Variants in HERC5 observed in about 807,000 individuals in gnomAD.
The protein encoded by HERC5 is E3 ISG15--protein ligase HERC5.
HERC5 carries 99 observed loss-of-function variants against 119.6 expected under a neutral mutation model. That is an observed-to-expected ratio of 0.83 (90% CI 0.70 to 0.98). HERC5 has a LOEUF of 0.98. HERC5 is among the 50% of genes least tolerant of loss of function. The pLI is 0.00. For missense variants in HERC5, 1,267 were observed against 1,241.3 expected (o/e 1.02, Z -0.31); for synonymous variants, 478 against 445.9 (o/e 1.07, Z -0.91).
In HERC5 at chr4:88,464,005, T is replaced by C. The variant is rs780262079; in HGVS notation, c.911+20T>C. 2.5e-6 allele frequency: 4 copies of C among 1,601,622 alleles called. No individual in the cohort carries two copies. In the Admixed American group the frequency reaches 6.9e-5, roughly 28 times the overall value. On this transcript the variant is annotated intron_variant, in intron 6 of 22. Transcript: ENST00000264350. ...TGGAAGGTAAGTTGTAAAGTATCAA[T>C]AAGAATTGATAAAATGAGTGCAGCA...
chr4:88,470,815 T>C, intron 10 of HERC5, 142 bp downstream of exon 10: 1 of 435,094 alleles, frequency 2.3e-6, no homozygotes. Context: ...ATATGTTTGC[T>C]GTAGAAAATG....
intron 16 of HERC5, among the ~76,000 whole-genome samples, chr4:88,492,381 A>G (rs895699899): frequency 2.0e-4 from 31 of 152,126 alleles, no homozygotes; most frequent in African/African-American, 7.0e-4. Context: ...GTTGAGGTCA[A>G]TTTAGGTAAA....
At chr4:88,489,099 C>G (rs1190239319) in intron 15 of HERC5, 67 bp from the exon 16 acceptor site, 1 of 1,398,336 alleles carries the variant, frequency 7.2e-7, no homozygotes, top group East Asian at 2.3e-5. Flanking sequence ...ATTCTGCTTT[C>G]CAAATTTTTA....
intron 18 of HERC5, among the ~76,000 whole-genome samples, chr4:88,498,974 A>G (rs970593456): frequency 1.3e-5 from 2 of 152,258 alleles, no homozygotes; most frequent in Non-Finnish European, 2.9e-5. Context: ...CCCACAATGA[A>G]TAAAACATGG....
In HERC5 at chr4:88,457,201, G is replaced by C; in HGVS notation, c.-69G>C. ...CTGCAGCGCAACGCCTGAGGCAGTGGGCGCGCTCAGTCCCGGGACCAGGCG... is the reference window on the plus strand; with the variant it reads ...CTGCAGCGCAACGCCTGAGGCAGTGCGCGCGCTCAGTCCCGGGACCAGGCG... On this transcript the variant is annotated 5_prime_UTR_variant, in exon 1 of 23. Transcript: ENST00000264350. 1 of 1,244,584 alleles carries C rather than the reference G, an allele frequency of 8.0e-7. No homozygotes were observed. The highest frequency in any genetic ancestry group is 1.0e-6 in the Non-Finnish European group (1 of 993,096). 77.1% of individuals were successfully genotyped at this position (1,244,584 alleles called of 1,614,324 possible). A position where few individuals can be genotyped will look rare whatever the true frequency, so the allele number is the denominator to read the frequency against.
chr4:88,492,486 G>A (rs1241685452), intron 16 of HERC5, among the ~76,000 whole-genome samples: 1 of 151,654 alleles, frequency 6.6e-6, no homozygotes. Context: ...GCTCATGGCT[G>A]TAATCTCAGC....
At chr4:88,492,076 T>A (rs903312911) in intron 16 of HERC5, among the ~76,000 whole-genome samples, 4 of 152,108 alleles carry the variant, frequency 2.6e-5, no homozygotes, top group African/African-American at 9.7e-5. Context: ...CGACCTTGGC[T>A]CATGGCAACC....
intron 6 of HERC5, among the ~76,000 whole-genome samples, chr4:88,464,787 T>A (rs1740594088): frequency 1.3e-5 from 2 of 152,110 alleles, no homozygotes; most frequent in Non-Finnish European, 2.9e-5. Context: ...TTATTTTTTT[T>A]TGAGACGGAG....
intron 20 of HERC5, among the ~76,000 whole-genome samples, chr4:88,501,863 A>G (rs908078985): frequency 2.6e-5 from 4 of 152,070 alleles, no homozygotes; most frequent in Non-Finnish European, 4.4e-5. Flanking sequence ...CAGTGGCGCA[A>G]TCTTGGCTCA....
rs550524232 is a variant in HERC5, at chr4:88,464,913, GGCGCCCGCCACCAC to G, written c.911+931_911+944del. The stretch of plus-strand genomic sequence containing the variant: ...AGCCTCCGGAGTAGCTGGGACTACA[GGCGCCCGCCACCAC>G]GCCTGGCTAATTTTTTGTATTTTTA... On this transcript the variant is annotated intron_variant, in intron 6 of 22. Transcript: ENST00000264350. Among the ~76,000 whole-genome samples the G allele has an allele frequency of 2.4e-4, 37 of 152,286 alleles. No individual in the cohort carries two copies. The East Asian group carries it at 3.7e-3, about 15-fold the overall frequency.
intron 1 of HERC5, among the ~76,000 whole-genome samples, chr4:88,458,373 A>T (rs977397095): frequency 2.7e-5 from 4 of 148,194 alleles, no homozygotes; most frequent in African/African-American, 7.4e-5. Context: ...TAAAAAATGT[A>T]CTCATTTTTG....
rs552048080 is a variant in HERC5, at chr4:88,506,069, A to C, written c.*191A>C. 15 of 585,438 alleles carry C rather than the reference A, an allele frequency of 2.6e-5. No individual in the cohort carries two copies. The highest frequency in any genetic ancestry group is 3.9e-5 in the Non-Finnish European group (13 of 331,036). 36.3% of individuals were successfully genotyped at this position (585,438 alleles called of 1,614,324 possible). The stretch of plus-strand genomic sequence containing the variant: ...GTTTACTGGCCGGTTAGAACCCGTG[A>C]CTGTATTCTCTCCCTTGGATACCCC... On this transcript the variant is annotated 3_prime_UTR_variant, in exon 23 of 23. Coordinates refer to ENST00000264350, the MANE Select transcript of HERC5 (RefSeq NM_016323.4).
At chr4:88,492,209 G>A (rs1312738919) in intron 16 of HERC5, among the ~76,000 whole-genome samples, 1 of 151,438 alleles carries the variant, frequency 6.6e-6, no homozygotes, top group East Asian at 2.0e-4. Context: ...TCACCATGTT[G>A]GCCAGACTGG....
Position 88,472,405 on chromosome 4 carries a change from A to G in HERC5, c.1299-4A>G, listed in dbSNP as rs200742258. 8.0e-5 allele frequency: 120 copies of G among 1,503,282 alleles called. No individual in the cohort carries two copies. The highest frequency in any genetic ancestry group is 1.7e-4 in the Middle Eastern group (1 of 5,844). 93.1% of individuals were successfully genotyped at this position (1,503,282 alleles called of 1,614,324 possible). On this transcript the variant is annotated splice_polypyrimidine_tract_variant and splice_region_variant and intron_variant, in intron 10 of 22. Transcript: ENST00000264350. ...AAAATACTTAATTTATCTTTCTTCT[A>G]CAGAAGAACTACAGAAATGATGCCT...
At chr4:88,480,806 C>T (rs1427992205) in intron 13 of HERC5, among the ~76,000 whole-genome samples, 3 of 152,128 alleles carry the variant, frequency 2.0e-5, no homozygotes, top group African/African-American at 7.2e-5. Flanking sequence ...ATATTTGTTT[C>T]CCCTTCTGTG....
intron 15 of HERC5, 46 bp downstream of exon 15, chr4:88,487,225 C>T (rs144866645): frequency 3.0e-4 from 323 of 1,073,572 alleles, no homozygotes; most frequent in Admixed American, 6.4e-4. Flanking sequence ...ACATGCTAAG[C>T]GCCTTCTTAA....
At chr4:88,481,576 T>C (rs538005887) in intron 13 of HERC5, among the ~76,000 whole-genome samples, 1 of 152,332 alleles carries the variant, frequency 6.6e-6, no homozygotes, top group East Asian at 1.9e-4. Context: ...ACTTTTTTTC[T>C]CCCATAAAGG....
intron 18 of HERC5, among the ~76,000 whole-genome samples, chr4:88,498,394 C>G (rs1298661395): frequency 1.3e-5 from 2 of 152,100 alleles, no homozygotes. Context: ...AACCCCAAAC[C>G]CAGTGTGTCC....
chr4:88,500,050 A>G, intron 19 of HERC5, 58 bp downstream of exon 19: 1 of 1,017,190 alleles, frequency 9.8e-7, no homozygotes, highest in Admixed American at 2.1e-5. Context: ...CCCTTTACAT[A>G]TTTAACTAAA....
Sources: allele counts gnomAD v4.1 joint callset (sites outside exome capture counted in the v4.1 genomes callset), GRCh38; gene constraint gnomAD v4.1.1; transcripts MANE v1.5; gene names NCBI Gene and HGNC (gene_info 2026-07-23, HGNC 2026-07-21).